Variants in PARD3B observed in about 807,000 individuals in gnomAD.
PARD3B encodes the protein partitioning defective 3 homolog B.
A neutral mutation model predicts 130.2 loss-of-function variants in PARD3B; 103 were observed. The ratio of observed to expected loss-of-function variants is 0.79; its 90% CI spans 0.67 to 0.93. The LOEUF is 0.93. PARD3B is among the 40% of genes least tolerant of loss of function. The probability of loss-of-function intolerance (pLI) is 0.00; values close to 1 mark genes in which losing one functional copy is unlikely to be tolerated. For missense variants in PARD3B, 1,609 were observed against 1,499.2 expected, an observed-to-expected ratio of 1.07 and a Z score of -1.21; for synonymous variants, 583 against 553.2, an observed-to-expected ratio of 1.05 and a Z score of -0.76.
intron 1 of PARD3B, among the ~76,000 whole-genome samples, chr2:204,590,276 C>T (rs879820373): frequency 2.0e-5 from 3 of 152,058 alleles, no homozygotes; most frequent in Non-Finnish European, 1.5e-5. Flanking sequence ...TTATGAGGGC[C>T]CCATCCTTAT....
At position 204,764,326 on chromosome 2, in the gene PARD3B, T is replaced by G. The variant is rs575122648; in HGVS notation, c.222+78044T>G. Among the ~76,000 whole-genome samples, 5 of 152,320 alleles carry G rather than the reference T, an allele frequency of 3.3e-5. No individual in the cohort carries two copies. The South Asian group carries it at 1.0e-3, about 32-fold the overall frequency. ...TGCTTTGTTTCCTTTAAGGTACATG[T>G]GTCAGGGGATGGAATTTTCCATTGT... On this transcript the variant is annotated intron_variant, in intron 2 of 22. Coordinates refer to ENST00000406610, the MANE Select transcript of PARD3B (RefSeq NM_001302769.2).
intron 18 of PARD3B, among the ~76,000 whole-genome samples, chr2:205,312,850 A>G (rs1378223013): frequency 6.6e-6 from 1 of 152,324 alleles, no homozygotes; most frequent in East Asian, 1.9e-4. Context: ...TGGGCCCAGA[A>G]TACTACTTTT....
intron 2 of PARD3B, among the ~76,000 whole-genome samples, chr2:204,903,359 G>A (rs1027385923): frequency 6.6e-5 from 10 of 152,192 alleles, no homozygotes; most frequent in Non-Finnish European, 1.3e-4. Context: ...ATTGTGTTAT[G>A]TATTTGAATT....
At chr2:205,379,863 A>G (rs1283524838) in intron 18 of PARD3B, among the ~76,000 whole-genome samples, 1 of 151,734 alleles carries the variant, frequency 6.6e-6, no homozygotes, top group Non-Finnish European at 1.5e-5. Flanking sequence ...AGTTCAGGAG[A>G]CTGAGACCAT....
intron 4 of PARD3B, among the ~76,000 whole-genome samples, chr2:205,094,262 G>A (rs1038463387): frequency 1.3e-5 from 2 of 152,166 alleles, no homozygotes; most frequent in Non-Finnish European, 2.9e-5. Flanking sequence ...AAAGTGAATG[G>A]CGAAATGATT....
intron 1 of PARD3B, among the ~76,000 whole-genome samples, chr2:204,665,969 C>A (rs1020465852): frequency 2.0e-5 from 3 of 152,122 alleles, no homozygotes; most frequent in Admixed American, 6.5e-5. Flanking sequence ...TGCCTGATGC[C>A]TACTGGTATG....
chr2:205,212,390 A>C (rs181165571), intron 15 of PARD3B, among the ~76,000 whole-genome samples: 167 of 152,232 alleles, frequency 1.1e-3, no homozygotes, highest in African/African-American at 3.9e-3. Context: ...TTGATCACAG[A>C]AACTTTGAGT....
At chr2:205,248,516 C>T (rs2039674005) in intron 16 of PARD3B, among the ~76,000 whole-genome samples, 1 of 151,274 alleles carries the variant, frequency 6.6e-6, no homozygotes, top group Non-Finnish European at 1.5e-5. Flanking sequence ...CACCTGTAGT[C>T]TCAGTCGGCT....
intron 2 of PARD3B, among the ~76,000 whole-genome samples, chr2:204,867,905 T>C (rs946979432): frequency 1.3e-5 from 2 of 152,174 alleles, no homozygotes. Flanking sequence ...TGAAACTGAC[T>C]AACCTACACC....
At chr2:205,262,408 G>A (rs1037592859) in intron 16 of PARD3B, among the ~76,000 whole-genome samples, 18 of 151,700 alleles carry the variant, frequency 1.2e-4, no homozygotes, top group African/African-American at 4.4e-4. Flanking sequence ...TAAAATTTCT[G>A]GGCATGGCAA....
intron 2 of PARD3B, among the ~76,000 whole-genome samples, chr2:204,809,234 T>A (rs1045485478): frequency 1.3e-5 from 2 of 152,124 alleles, no homozygotes; most frequent in Admixed American, 1.3e-4. Flanking sequence ...GTTGTCTGTT[T>A]ACTCTGTTGA....
At chr2:205,593,502 A>C (rs758056992) in intron 22 of PARD3B, among the ~76,000 whole-genome samples, 25 of 152,228 alleles carry the variant, frequency 1.6e-4, no homozygotes, top group Non-Finnish European at 3.2e-4. Flanking sequence ...TTAATTTGCT[A>C]AGTAGAAAAT....
intron 10 of PARD3B, among the ~76,000 whole-genome samples, chr2:205,135,803 T>G (rs925437350): frequency 4.6e-5 from 7 of 152,160 alleles, no homozygotes; most frequent in Non-Finnish European, 8.8e-5. Context: ...TCGCAGGGGT[T>G]AAGATGCATT....
chr2:204,960,302 G>C (rs971069777), intron 2 of PARD3B, among the ~76,000 whole-genome samples: 3 of 152,154 alleles, frequency 2.0e-5, no homozygotes, highest in African/African-American at 7.2e-5. Flanking sequence ...TCTCCATTCA[G>C]CCTGCATCCT....
chr2:205,503,318 C>T (rs1055824187), intron 21 of PARD3B, among the ~76,000 whole-genome samples: 3 of 151,786 alleles, frequency 2.0e-5, no homozygotes, highest in Admixed American at 6.6e-5. Context: ...GCTGGAGGTG[C>T]ATAGTTGGAG....
rs1371370635 is a variant in PARD3B at position 205,021,377 on chromosome 2, A to G, written c.395-26204A>G. Among the ~76,000 whole-genome samples the G allele has an allele frequency of 6.6e-6, 1 of 152,108 alleles. No individual in the cohort carries two copies. Among genetic ancestry groups the G allele is most frequent in the Non-Finnish European group, 1.5e-5 (1 of 68,028 alleles). On this transcript the variant is annotated intron_variant, in intron 3 of 22. Transcript: ENST00000406610. This position sits in a 1 kb window ranked among gnomAD's most constrained non-coding sequence, Gnocchi z 4.5. ...ATTGTACATGGTAAGGAAATTATGT[A>G]TTGTAGATTTTCCTGATTCTGGGCA...
At chr2:205,168,320 A>AGAGAGAGAGAGAGAGAGAGAGAGAGAGT (rs371904121) in intron 11 of PARD3B, among the ~76,000 whole-genome samples, 21 of 119,748 alleles carry the variant, frequency 1.8e-4, no homozygotes, top group East Asian at 5.0e-4. Flanking sequence ...AGAGAGAGAG[A>AGAGAGAGAGAGAGAGAGAGAGAGAGAGT]GTGTGTGTGT....
intron 3 of PARD3B, among the ~76,000 whole-genome samples, chr2:204,997,566 A>AT (rs941959546): frequency 5.3e-5 from 8 of 152,106 alleles, no homozygotes; most frequent in East Asian, 1.9e-4. Context: ...AATTCAGTTG[A>AT]TTTTTTTAAG....
intron 2 of PARD3B, among the ~76,000 whole-genome samples, chr2:204,844,917 A>G (rs2044402217): frequency 6.6e-6 from 1 of 152,084 alleles, no homozygotes; most frequent in Non-Finnish European, 1.5e-5. Context: ...TTATATTGCC[A>G]TTTGGCCTCA....
Sources: gnomAD v4.1 joint callset for allele counts (sites outside exome capture counted in the v4.1 genomes callset) on GRCh38, gnomAD v4.1.1 for gene constraint, Gnocchi (gnomAD v3.1) non-coding constraint, MANE v1.5 for transcripts, NCBI Gene and HGNC (gene_info 2026-07-23, HGNC 2026-07-21) for gene names.